Variants in COLEC12 observed in about 807,000 individuals in gnomAD.
COLEC12 encodes the protein collectin subfamily member 12.
Under a neutral mutation model 71.1 loss-of-function variants are expected in COLEC12, and 33 were observed. The observed-to-expected ratio is 0.46, with a 90% CI of 0.35 to 0.62. COLEC12 has a LOEUF of 0.62. COLEC12 is among the 20% of genes least tolerant of loss of function. COLEC12 has a pLI of 0.00. For missense variants in COLEC12, 765 were observed against 916.1 expected (o/e 0.84, Z 2.13); for synonymous variants, 350 against 353.0 (o/e 0.99, Z 0.10).
At chr18:339,661 A>C (rs142578785) in intron 5 of COLEC12, among the ~76,000 whole-genome samples, 1 of 152,332 alleles carries the variant, frequency 6.6e-6, no homozygotes, top group East Asian at 1.9e-4. Context: ...GGTGTCTTCC[A>C]TTACAGCTGC....
At chr18:325,035 T>C (rs1913803165) in intron 8 of COLEC12, among the ~76,000 whole-genome samples, 1 of 151,558 alleles carries the variant, frequency 6.6e-6, no homozygotes, top group Admixed American at 6.6e-5. Context: ...ATAAAAAATT[T>C]AAAATAAATT....
In COLEC12 at chr18:347,084, T is replaced by C. The variant is rs544106949; in HGVS notation, c.538A>G (p.Asn180Asp). The C allele has an allele frequency of 6.2e-7, 1 of 1,614,182 alleles. No individual in the cohort carries two copies. Among genetic ancestry groups the C allele is most frequent in the South Asian group, 1.1e-5 (1 of 91,082 alleles). Reference sequence around the variant, plus strand: ...AGCACGCTGGTATCTTGCTGCAGATTCGTGACATAGCCATTATACGCCTGG... The same window carrying C: ...AGCACGCTGGTATCTTGCTGCAGATCCGTGACATAGCCATTATACGCCTGG... ...TLQAYNGYVT[N>D]LQQDTSVLQG... Residue 180 changes from asparagine to aspartate, a missense_variant, in exon 5 of 10, where the codon AAT becomes GAT. By Grantham distance (23) the Asn-to-Asp change is conservative. Coordinates refer to ENST00000400256, the MANE Select transcript of COLEC12 (RefSeq NM_130386.3).
intron 2 of COLEC12, among the ~76,000 whole-genome samples, chr18:427,407 C>T (rs9950145): frequency 0.19 from 28,375 of 152,078 alleles, 2,918 homozygotes; most frequent in Middle Eastern, 0.24. Context: ...CATTTCAAGA[C>T]GGGTAAAGAA....
intron 2 of COLEC12, among the ~76,000 whole-genome samples, chr18:371,369 G>C (rs1248402397): frequency 5.9e-5 from 9 of 152,106 alleles, no homozygotes; most frequent in Admixed American, 3.9e-4. Context: ...CAATCTTCTT[G>C]ACTTTGAGCC....
At chr18:428,908 A>T (rs1916247711) in intron 2 of COLEC12, among the ~76,000 whole-genome samples, 1 of 152,210 alleles carries the variant, frequency 6.6e-6, no homozygotes. Context: ...CAAACACCGT[A>T]AAGGGGCTTT....
chr18:493,729 G>T (rs1187309731), intron 1 of COLEC12, among the ~76,000 whole-genome samples: 1 of 152,192 alleles, frequency 6.6e-6, no homozygotes, highest in African/African-American at 2.4e-5. Flanking sequence ...GTTAGAACTT[G>T]GTGGCCCAAT....
At chr18:487,931 A>G (rs1177292470) in intron 1 of COLEC12, among the ~76,000 whole-genome samples, 3 of 152,240 alleles carry the variant, frequency 2.0e-5, no homozygotes, top group African/African-American at 7.2e-5. Context: ...TCATCAGACA[A>G]CTGATACAAC....
intron 2 of COLEC12, among the ~76,000 whole-genome samples, chr18:414,088 T>C (rs528390296): frequency 7.9e-5 from 12 of 152,208 alleles, no homozygotes; most frequent in Non-Finnish European, 1.3e-4. Flanking sequence ...AATATTCTGG[T>C]TGTGATACTG....
At chr18:395,394 G>A (rs8091667) in intron 2 of COLEC12, among the ~76,000 whole-genome samples, 54,591 of 152,010 alleles carry the variant, frequency 0.36, 10,544 homozygotes, top group East Asian at 0.64. Flanking sequence ...TCCCATTTTT[G>A]GGAGGCCAGG....
At chr18:498,377 T>TTTTTTTTTCTTTTTTTG (rs1178071975) in intron 1 of COLEC12, among the ~76,000 whole-genome samples, 1 of 138,254 alleles carries the variant, frequency 7.2e-6, no homozygotes, top group Non-Finnish European at 1.5e-5. Context: ...TTTTTTTTTT[T>TTTTTTTTTCTTTTTTTG]AGACGGAGTC....
chr18:445,420 C>T (rs552499740), intron 2 of COLEC12, among the ~76,000 whole-genome samples: 3 of 152,262 alleles, frequency 2.0e-5, no homozygotes, highest in South Asian at 2.1e-4. Flanking sequence ...GCAGATCTGA[C>T]GGTTATCTGT....
chr18:360,554 G>C (rs1473947477), intron 2 of COLEC12, among the ~76,000 whole-genome samples: 1 of 147,800 alleles, frequency 6.8e-6, no homozygotes, highest in Non-Finnish European at 1.5e-5. Context: ...CTGATGCTGC[G>C]GTCTGTGGAC....
intron 3 of COLEC12, among the ~76,000 whole-genome samples, chr18:350,724 T>C (rs921438958): frequency 4.6e-5 from 7 of 151,846 alleles, no homozygotes; most frequent in Non-Finnish European, 7.4e-5. Flanking sequence ...GCTCAGGAGT[T>C]CAAGACCAGC....
intron 1 of COLEC12, among the ~76,000 whole-genome samples, chr18:493,353 C>T (rs1037072339): frequency 6.6e-6 from 1 of 152,220 alleles, no homozygotes; most frequent in Non-Finnish European, 1.5e-5. Context: ...AAGCACGAGT[C>T]ATCAGGCTCA....
At chr18:329,453 A>C (rs1913921123) in intron 8 of COLEC12, among the ~76,000 whole-genome samples, 1 of 152,196 alleles carries the variant, frequency 6.6e-6, no homozygotes, top group African/African-American at 2.4e-5. Flanking sequence ...TTTAAAAAAC[A>C]GTCTCTGTCT....
At chr18:405,902 T>C (rs1206606497) in intron 2 of COLEC12, among the ~76,000 whole-genome samples, 1 of 152,064 alleles carries the variant, frequency 6.6e-6, no homozygotes, top group Non-Finnish European at 1.5e-5. Context: ...AAAATGAGGC[T>C]GAGACCTACT....
rs191884150 is a variant in COLEC12 at position 340,372 on chromosome 18, G to A, written c.1328-5142C>T. Among the ~76,000 whole-genome samples, 478 of 152,246 alleles carry A rather than the reference G, an allele frequency of 3.1e-3. 7 individuals are homozygous for A. The highest frequency in any genetic ancestry group is 5.4e-4 in the Non-Finnish European group (37 of 68,012). The stretch of plus-strand genomic sequence containing the variant: ...ACAATACCAGAGCTCCAAGCAGCCC[G>A]GGGTTTGTGCTGTCAGTGACACCTC... On this transcript the variant is annotated intron_variant, in intron 5 of 9. Coordinates refer to ENST00000400256, the MANE Select transcript of COLEC12 (RefSeq NM_130386.3).
At chr18:494,348 G>C (rs1411744643) in intron 1 of COLEC12, among the ~76,000 whole-genome samples, 1 of 152,162 alleles carries the variant, frequency 6.6e-6, no homozygotes, top group Non-Finnish European at 1.5e-5. Context: ...ATTGCTGGGA[G>C]GAAGCAGCAG....
At chr18:422,319 C>A (rs555490092) in intron 2 of COLEC12, among the ~76,000 whole-genome samples, 1 of 152,178 alleles carries the variant, frequency 6.6e-6, no homozygotes, top group Non-Finnish European at 1.5e-5. Context: ...AGCAATACAT[C>A]CAGACCATGC....
Sources: gnomAD v4.1 joint callset for allele counts (sites outside exome capture counted in the v4.1 genomes callset) on GRCh38, gnomAD v4.1.1 for gene constraint, MANE v1.5 for transcripts, NCBI Gene and HGNC (gene_info 2026-07-23, HGNC 2026-07-21) for gene names.